CPN1: variants seen among roughly 807,000 people sequenced by gnomAD.
CPN1 encodes carboxypeptidase N subunit 1.
In CPN1, 37 loss-of-function variants were observed where a neutral mutation model predicts 46.4. That is an observed-to-expected ratio of 0.80 (90% CI 0.61 to 1.05). The LOEUF (loss-of-function observed/expected upper bound fraction) is 1.05. Among genes scored for constraint, CPN1 ranks in the 50% least tolerant of loss-of-function variants. The pLI, the probability that CPN1 is intolerant of heterozygous loss-of-function variation, is 0.00. For missense variants in CPN1, 563 were observed against 602.6 expected, an observed-to-expected ratio of 0.93 and a Z score of 0.69; for synonymous variants, 224 against 235.4, an observed-to-expected ratio of 0.95 and a Z score of 0.44.
At chr10:100,058,053 C>T (rs965172217) in intron 5 of CPN1, among the ~76,000 whole-genome samples, 1 of 152,044 alleles carries the variant, frequency 6.6e-6, no homozygotes, top group African/African-American at 2.4e-5. Context: ...ACCTCTTGAC[C>T]TCTATTTCTT....
chr10:100,045,310 TTATA>T (rs2041301697), intron 8 of CPN1, among the ~76,000 whole-genome samples: 1 of 152,234 alleles, frequency 6.6e-6, no homozygotes, highest in Non-Finnish European at 1.5e-5. Context: ...AATGCAAAAC[TTATA>T]TATGTAGCTG....
intron 5 of CPN1, among the ~76,000 whole-genome samples, chr10:100,057,534 G>T (rs1299973053): frequency 1.3e-5 from 2 of 152,152 alleles, no homozygotes; most frequent in Non-Finnish European, 2.9e-5. Flanking sequence ...AGTCATTGTT[G>T]AGTGGTGATT....
Position 100,069,771 on chromosome 10 carries a change from G to C in CPN1, c.519C>G (p.Asn173Lys). Reference sequence around the variant, plus strand: ...GGTGGTTGGGGCCTCCGTACTTCTCGTTATAGTAGATATAGGTATTGAGAT... The same window carrying C: ...GGTGGTTGGGGCCTCCGTACTTCTCCTTATAGTAGATATAGGTATTGAGAT... ...FPDLNTYIYY[N>K]EKYGGPNHHL... The change falls in exon 3 of 9, where the codon AAC becomes AAG. Residue 173 changes from asparagine (N) to lysine (K), a missense_variant. Coordinates refer to ENST00000370418, the MANE Select transcript of CPN1 (RefSeq NM_001308.3). 1 of 1,613,706 alleles carries C rather than the reference G, an allele frequency of 6.2e-7. No individual in the cohort carries two copies. The highest frequency in any genetic ancestry group is 1.1e-5 in the South Asian group (1 of 91,064).
At chr10:100,065,800 C>T (rs888210756) in intron 3 of CPN1, among the ~76,000 whole-genome samples, 4 of 151,862 alleles carry the variant, frequency 2.6e-5, no homozygotes, top group Non-Finnish European at 5.9e-5. Flanking sequence ...GATAAACACA[C>T]CCCTCTGGGG....
Position 100,048,785 on chromosome 10 carries a change from C to A in CPN1, c.1203G>T (p.Val401=), listed in dbSNP as rs115096736. ...ACGTTGGTTCCGCAGGACCCACGGTCACAGTTACTGTCTCTGGGTCATACC... is the reference window on the plus strand; with the variant it reads ...ACGTTGGTTCCGCAGGACCCACGGTAACAGTTACTGTCTCTGGGTCATACC... ...APGYDPETVT[V]TVGPAEPTLV... is the part of the protein sequence containing the mutation. Residue 401 remains valine (V), a synonymous_variant, in exon 8 of 9, where the codon GTG becomes GTT. Coordinates refer to ENST00000370418, the MANE Select transcript of CPN1 (RefSeq NM_001308.3). 1.5e-3 allele frequency: 2,387 copies of A among 1,613,468 alleles called. 27 individuals carry two copies. The African/African-American group carries it at 0.024, about 16-fold the overall frequency.
intron 5 of CPN1, among the ~76,000 whole-genome samples, chr10:100,057,632 G>T (rs556259446): frequency 6.6e-6 from 1 of 152,166 alleles, no homozygotes; most frequent in Non-Finnish European, 1.5e-5. Context: ...GCCTAGTACT[G>T]TAGGGGTAAT....
chr10:100,076,062 G>A lies in CPN1; in HGVS notation c.269C>T (p.Ala90Val), dbSNP rs138185881. ...KYVGNMHGNE[A>V]LGRELMLQLS... ...CTGCAGCATCAGCTCGCGGCCCAAC[G>A]CTTCGTTGCCGTGCATGTTCCCCAC... Residue 90 changes from alanine (A) to valine (V), a missense_variant, in exon 2 of 9, where the codon GCG (alanine) becomes GTG (valine). Physicochemically the swap from Ala to Val is moderately conservative, Grantham distance 64 (BLOSUM62 0). Transcript: ENST00000370418. 5.5e-5 allele frequency: 88 copies of A among 1,614,208 alleles called. No individual in the cohort carries two copies. The highest frequency in any genetic ancestry group is 7.3e-5 in the Non-Finnish European group (86 of 1,180,042).
Position 100,077,497 on chromosome 10 carries a change from C to A in CPN1, c.224-1390G>T, listed in dbSNP as rs535006466. 2.4e-4 allele frequency among the ~76,000 whole-genome samples: 37 copies of A among 152,116 alleles called. 1 individual carries two copies. Among genetic ancestry groups the A allele is most frequent in the Admixed American group, 5.9e-4 (9 of 15,256 alleles). ...CCACCCGCCTTGGCCTCCCAAAGTGCTAGGATTACAGGTGTGAGCCATTGC... is the reference window on the plus strand; with the variant it reads ...CCACCCGCCTTGGCCTCCCAAAGTGATAGGATTACAGGTGTGAGCCATTGC... On this transcript the variant is annotated intron_variant, in intron 1 of 8. Transcript: ENST00000370418.
At chr10:100,078,024 G>A (rs1331195321) in intron 1 of CPN1, among the ~76,000 whole-genome samples, 16 of 151,908 alleles carry the variant, frequency 1.1e-4, no homozygotes, top group Non-Finnish European at 7.4e-5. Flanking sequence ...GATTCTTTTG[G>A]CTCTCCTTTT....
At chr10:100,060,276 A>G (rs762221704) in intron 5 of CPN1, among the ~76,000 whole-genome samples, 5 of 152,180 alleles carry the variant, frequency 3.3e-5, no homozygotes, top group African/African-American at 4.8e-5. Flanking sequence ...CACAATAAAA[A>G]TGAAGCTGGG....
intron 8 of CPN1, among the ~76,000 whole-genome samples, chr10:100,046,868 G>A (rs2133424610): frequency 6.6e-6 from 1 of 152,142 alleles, no homozygotes; most frequent in South Asian, 2.1e-4. Flanking sequence ...GAGGTCAGGA[G>A]TTCAAGATCA....
intron 7 of CPN1, among the ~76,000 whole-genome samples, chr10:100,049,931 A>T (rs1391516415): frequency 6.6e-6 from 1 of 152,248 alleles, no homozygotes; most frequent in African/African-American, 2.4e-5. Flanking sequence ...TGCCTAATAA[A>T]GAAACTACAT....
intron 6 of CPN1, among the ~76,000 whole-genome samples, chr10:100,056,579 T>C (rs1365864585): frequency 6.6e-6 from 1 of 152,118 alleles, no homozygotes. Context: ...AGGCTCTTGC[T>C]CTGCTGCCCA....
intron 5 of CPN1, among the ~76,000 whole-genome samples, chr10:100,059,584 GCTA>G (rs1398980188): frequency 7.5e-6 from 1 of 133,230 alleles, no homozygotes; most frequent in Non-Finnish European, 1.6e-5. Flanking sequence ...TATTAGGATG[GCTA>G]CTATCAAAAA....
chr10:100,079,578 T>C (rs2041532765), intron 1 of CPN1, among the ~76,000 whole-genome samples: 1 of 152,232 alleles, frequency 6.6e-6, no homozygotes, highest in Admixed American at 6.5e-5. Flanking sequence ...GACAGCAGGC[T>C]GCTTGCTATG....
At position 100,076,061 on chromosome 10, in the gene CPN1, C is replaced by A. The variant is rs759014388; in HGVS notation, c.270G>T (p.Ala90=). The change falls in exon 2 of 9, where the codon GCG becomes GCT. Residue 90 remains alanine, a synonymous_variant. Coordinates refer to ENST00000370418, the MANE Select transcript of CPN1 (RefSeq NM_001308.3). ...GCTGCAGCATCAGCTCGCGGCCCAA[C>A]GCTTCGTTGCCGTGCATGTTCCCCA... ...KYVGNMHGNE[A]LGRELMLQLS... is the part of the protein sequence containing the mutation. The A allele has an allele frequency of 1.3e-5, 21 of 1,614,100 alleles. No homozygotes were observed. Among genetic ancestry groups the A allele is most frequent in the Admixed American group, 1.7e-5 (1 of 59,998 alleles).
At chr10:100,079,269 G>T (rs1432858689) in intron 1 of CPN1, among the ~76,000 whole-genome samples, 1 of 152,258 alleles carries the variant, frequency 6.6e-6, no homozygotes, top group Non-Finnish European at 1.5e-5. Flanking sequence ...TGAGGGCAGG[G>T]TCTTTGTTTT....
chr10:100,063,795 C>T (rs2133439362), intron 4 of CPN1, 70 bp from the exon 5 acceptor site: 1 of 1,197,222 alleles, frequency 8.4e-7, no homozygotes, highest in Non-Finnish European at 1.2e-6. Flanking sequence ...CTACTCACAA[C>T]TAGGTTGAAG....
rs772739375 is a variant in CPN1, at chr10:100,065,356, G to T, written c.591C>A (p.Thr197=). Residue 197 remains threonine, a synonymous_variant, in exon 4 of 9, where the codon ACC becomes ACA. Coordinates refer to ENST00000370418, the MANE Select transcript of CPN1 (RefSeq NM_001308.3). ...DNWKSQVEPE[T]RAVIRWMHSF... ...AGTGCATCCACCGGATCACCGCCCGGGTCTCGGGTTCCACCTGGGAGGAGG... is the reference window on the plus strand; with the variant it reads ...AGTGCATCCACCGGATCACCGCCCGTGTCTCGGGTTCCACCTGGGAGGAGG... 3.7e-6 allele frequency: 6 copies of T among 1,614,082 alleles called. No individual in the cohort carries two copies. The highest frequency in any genetic ancestry group is 2.5e-6 in the Non-Finnish European group (3 of 1,180,056).
Sources: gnomAD v4.1 joint callset for allele counts (sites outside exome capture counted in the v4.1 genomes callset) on GRCh38, gnomAD v4.1.1 for gene constraint, MANE v1.5 for transcripts, NCBI Gene and HGNC (gene_info 2026-07-23, HGNC 2026-07-21) for gene names.